CLSTN2: variants seen among roughly 807,000 people sequenced by gnomAD.
CLSTN2 encodes calsyntenin-2.
CLSTN2 carries 48 observed loss-of-function variants against 101.2 expected under a neutral mutation model. That is an observed-to-expected ratio of 0.47 (90% CI 0.38 to 0.60). The LOEUF is 0.60. Among genes scored for constraint, CLSTN2 ranks in the 20% least tolerant of loss-of-function variants. The pLI, the probability that CLSTN2 is intolerant of heterozygous loss-of-function variation, is 0.00. For missense variants in CLSTN2, 1,160 were observed against 1,238.2 expected (o/e 0.94, Z 0.95); for synonymous variants, 481 against 463.6 (o/e 1.04, Z -0.48).
intron 2 of CLSTN2, among the ~76,000 whole-genome samples, chr3:140,381,720 C>G (rs1230382877): frequency 6.6e-6 from 1 of 152,174 alleles, no homozygotes; most frequent in African/African-American, 2.4e-5. Context: ...CAGGGACCTC[C>G]CAGGTGGATC....
chr3:140,274,161 A>G (rs1446836587), intron 2 of CLSTN2, among the ~76,000 whole-genome samples: 1 of 152,184 alleles, frequency 6.6e-6, no homozygotes, highest in Non-Finnish European at 1.5e-5. Context: ...GGCTCCTCCC[A>G]TGTGCCCCTC....
intron 4 of CLSTN2, among the ~76,000 whole-genome samples, chr3:140,419,669 GAA>G (rs2088475490): frequency 3.5e-5 from 2 of 57,664 alleles, no homozygotes; most frequent in Admixed American, 3.0e-4. Flanking sequence ...ATACATATAT[GAA>G]TATGTATATA....
intron 1 of CLSTN2, among the ~76,000 whole-genome samples, chr3:139,958,696 G>T (rs1935451413): frequency 6.6e-6 from 1 of 151,654 alleles, no homozygotes; most frequent in African/African-American, 2.4e-5. Flanking sequence ...TTTGACGACA[G>T]TCTTATGCAA....
intron 1 of CLSTN2, among the ~76,000 whole-genome samples, chr3:139,989,693 G>C (rs796887814): frequency 1.3e-5 from 2 of 152,132 alleles, no homozygotes; most frequent in Non-Finnish European, 2.9e-5. Flanking sequence ...GAGCCTTACT[G>C]TGTCTGTAGT....
intron 1 of CLSTN2, among the ~76,000 whole-genome samples, chr3:139,937,045 C>T (rs1935033900): frequency 6.6e-6 from 1 of 150,936 alleles, no homozygotes; most frequent in African/African-American, 2.4e-5. Context: ...AACTTCCAAA[C>T]ATCTCCCCCC....
At chr3:140,543,910 C>A (rs1210987839) in intron 9 of CLSTN2, among the ~76,000 whole-genome samples, 1 of 152,108 alleles carries the variant, frequency 6.6e-6, no homozygotes, top group Non-Finnish European at 1.5e-5. Flanking sequence ...CCAGGTCCAC[C>A]CCTCAATCAA....
At chr3:140,333,556 T>C (rs1166312870) in intron 2 of CLSTN2, among the ~76,000 whole-genome samples, 1 of 152,152 alleles carries the variant, frequency 6.6e-6, no homozygotes, top group Non-Finnish European at 1.5e-5. Flanking sequence ...TTTTCCACTA[T>C]TTAGTCCCCT....
intron 1 of CLSTN2, among the ~76,000 whole-genome samples, chr3:139,962,355 A>T (rs1043188793): frequency 6.6e-6 from 1 of 152,288 alleles, no homozygotes; most frequent in South Asian, 2.1e-4. Flanking sequence ...ACCCATCAAG[A>T]CATCATCACA....
chr3:140,419,795 G>A lies in CLSTN2; in HGVS notation c.638-1330G>A, dbSNP rs574954302. 1.8e-4 allele frequency among the ~76,000 whole-genome samples: 8 copies of A among 43,782 alleles called. 2 individuals are homozygous for A. Among genetic ancestry groups the A allele is most frequent in the South Asian group, 5.1e-4 (1 of 1,962 alleles). The allele number at this position is 43,782 out of a possible 152,430, so 28.7% of individuals were successfully genotyped here. On this transcript the variant is annotated intron_variant, in intron 4 of 16. Transcript: ENST00000458420. ...TGTATACACGTATATACACGTATACGTGTATATACGTGTATATACGTATAT... is the reference window on the plus strand; with the variant it reads ...TGTATACACGTATATACACGTATACATGTATATACGTGTATATACGTATAT...
chr3:140,291,118 G>A (rs1297219989), intron 2 of CLSTN2, among the ~76,000 whole-genome samples: 1 of 151,938 alleles, frequency 6.6e-6, no homozygotes, highest in African/African-American at 2.4e-5. Context: ...TTAAAAGGGG[G>A]CTAATATTAA....
chr3:140,378,569 G>A (rs1355609658), intron 2 of CLSTN2, among the ~76,000 whole-genome samples: 3 of 152,288 alleles, frequency 2.0e-5, no homozygotes, highest in South Asian at 2.1e-4. Flanking sequence ...GCCTGCCAGG[G>A]ACCCGAGACC....
chr3:140,346,534 A>C (rs2087547745), intron 2 of CLSTN2, among the ~76,000 whole-genome samples: 1 of 152,248 alleles, frequency 6.6e-6, no homozygotes, highest in Non-Finnish European at 1.5e-5. Flanking sequence ...TGCTTTAAAC[A>C]GAGTTGTTCA....
At chr3:140,440,009 A>T (rs1205633785) in intron 5 of CLSTN2, among the ~76,000 whole-genome samples, 1 of 152,238 alleles carries the variant, frequency 6.6e-6, no homozygotes, top group Non-Finnish European at 1.5e-5. Context: ...TTGAACAGTG[A>T]TGTACAAGTC....
At chr3:140,177,343 T>G (rs951460326) in intron 2 of CLSTN2, among the ~76,000 whole-genome samples, 33 of 152,212 alleles carry the variant, frequency 2.2e-4, no homozygotes, top group African/African-American at 8.0e-4. Flanking sequence ...AAACCTTCTT[T>G]GCCAGTCTAG....
chr3:140,419,988 G>A (rs1184531552), intron 4 of CLSTN2, among the ~76,000 whole-genome samples: 2 of 149,074 alleles, frequency 1.3e-5, no homozygotes, highest in Non-Finnish European at 3.0e-5. Flanking sequence ...CACTTTCCAG[G>A]TTCAAACAAT....
chr3:140,304,947 G>C (rs1297006840), intron 2 of CLSTN2, among the ~76,000 whole-genome samples: 1 of 151,976 alleles, frequency 6.6e-6, no homozygotes, highest in Non-Finnish European at 1.5e-5. Flanking sequence ...CCAATGCCCT[G>C]AATGTTGCAT....
chr3:140,470,925 T>C lies in CLSTN2; in HGVS notation c.1344+4194T>C, dbSNP rs1165839176. On this transcript the variant is annotated intron_variant, in intron 8 of 16. Transcript: ENST00000458420. ...TCACATAGCCCTTCAGGAGTGCTGC[T>C]GAGAGAGGCAGTTCCACAGAGGCAC... 3.9e-5 allele frequency among the ~76,000 whole-genome samples: 6 copies of C among 152,144 alleles called. No individual in the cohort carries two copies. The East Asian group carries it at 7.7e-4, about 20-fold the overall frequency.
intron 1 of CLSTN2, among the ~76,000 whole-genome samples, chr3:139,996,664 A>G (rs1462201105): frequency 6.6e-6 from 1 of 152,152 alleles, no homozygotes; most frequent in African/African-American, 2.4e-5. Flanking sequence ...ATGAATTCTC[A>G]TGGTCTTTAT....
rs191923937 is a variant in CLSTN2 at position 140,568,845 on chromosome 3, G to C, written c.*2592G>C. 1.6e-4 allele frequency: 25 copies of C among 152,188 alleles called. No individual in the cohort carries two copies. The East Asian group carries it at 3.5e-3, about 21-fold the overall frequency. 9.4% of individuals were successfully genotyped at this position (152,188 alleles called of 1,614,324 possible). On this transcript the variant is annotated 3_prime_UTR_variant, in exon 17 of 17. Transcript: ENST00000458420. ...ATGTGTTGGGGTTTTTTTGGTAGGGGGGGTAGCAGGTAAAGGTGGCCCATG... is the reference window on the plus strand; with the variant it reads ...ATGTGTTGGGGTTTTTTTGGTAGGGCGGGTAGCAGGTAAAGGTGGCCCATG...
Sources: allele counts gnomAD v4.1 joint callset (sites outside exome capture counted in the v4.1 genomes callset), GRCh38; gene constraint gnomAD v4.1.1; transcripts MANE v1.5; gene names NCBI Gene and HGNC (gene_info 2026-07-23, HGNC 2026-07-21).